CHST9: variants seen among roughly 807,000 people sequenced by gnomAD.
CHST9 encodes the protein GalNAc-4-sulfotransferase 2.
Under a neutral mutation model 44.4 loss-of-function variants are expected in CHST9, and 41 were observed. That is an observed-to-expected ratio of 0.92 (90% CI 0.72 to 1.20). The LOEUF (loss-of-function observed/expected upper bound fraction) is 1.20. Among genes scored for constraint, CHST9 ranks in the 50% most tolerant of loss-of-function variants. The probability of loss-of-function intolerance (pLI) is 0.00; values close to 1 mark genes in which losing one functional copy is unlikely to be tolerated. For synonymous variants in CHST9, 171 were observed against 178.4 expected (o/e 0.96, Z 0.33); for missense variants, 504 against 516.5 (o/e 0.98, Z 0.23).
intron 4 of CHST9, among the ~76,000 whole-genome samples, chr18:26,949,152 G>A (rs1232391196): frequency 6.6e-6 from 1 of 152,170 alleles, no homozygotes; most frequent in African/African-American, 2.4e-5. Flanking sequence ...ACAGCAATGA[G>A]CATGTGCTGT....
chr18:27,006,798 A>T (rs1456156652), intron 4 of CHST9, among the ~76,000 whole-genome samples: 2 of 152,218 alleles, frequency 1.3e-5, no homozygotes, highest in Non-Finnish European at 2.9e-5. Context: ...AGATAGATTG[A>T]GTCAAAGCCA....
intron 1 of CHST9, among the ~76,000 whole-genome samples, chr18:27,148,372 G>A (rs2058631711): frequency 6.6e-6 from 1 of 151,020 alleles, no homozygotes; most frequent in African/African-American, 2.4e-5. Flanking sequence ...TCGTCATTTA[G>A]CATTAGGTGT....
At position 26,954,299 on chromosome 18, in the gene CHST9, A is replaced by G. The variant is rs1274110042; in HGVS notation, c.203-9933T>C. On this transcript the variant is annotated intron_variant, in intron 4 of 5. Coordinates refer to ENST00000618847, the MANE Select transcript of CHST9 (RefSeq NM_031422.6). Reference sequence around the variant, plus strand: ...GGGGAACAGGGACTCAAAGAAGTCCATGGGTAGCAGGACAGTGTGTCAGTG... The same window carrying G: ...GGGGAACAGGGACTCAAAGAAGTCCGTGGGTAGCAGGACAGTGTGTCAGTG... 1.3e-5 allele frequency among the ~76,000 whole-genome samples: 2 copies of G among 152,216 alleles called. 1 individual carries two copies. Among genetic ancestry groups the G allele is most frequent in the Non-Finnish European group, 2.9e-5 (2 of 68,038 alleles).
chr18:27,167,668 T>C (rs976040564), intron 1 of CHST9, among the ~76,000 whole-genome samples: 2 of 152,196 alleles, frequency 1.3e-5, no homozygotes, highest in African/African-American at 4.8e-5. Flanking sequence ...CATATGATTA[T>C]AAAGTGTGAC....
intron 4 of CHST9, among the ~76,000 whole-genome samples, chr18:27,007,241 T>C (rs1483730496): frequency 1.3e-5 from 2 of 152,324 alleles, no homozygotes; most frequent in African/African-American, 4.8e-5. Flanking sequence ...CAGTGAGAGA[T>C]GGTGGCTGAG....
rs567470492 is a variant in CHST9, at chr18:27,097,132, T to A, written c.121+45557A>T. ...CAAGGTTGGTTCAATATACATCAAA[T>A]AAATGTGATTTACCACATAAACAGA... On this transcript the variant is annotated intron_variant, in intron 2 of 5. Coordinates refer to ENST00000618847, the MANE Select transcript of CHST9 (RefSeq NM_031422.6). Among the ~76,000 whole-genome samples, 222 of 152,150 alleles carry A rather than the reference T, an allele frequency of 1.5e-3. 2 individuals are homozygous for A. Among genetic ancestry groups the A allele is most frequent in the Non-Finnish European group, 2.5e-3 (173 of 67,924 alleles).
chr18:26,945,828 T>G (rs1018433104), intron 4 of CHST9, among the ~76,000 whole-genome samples: 1 of 152,302 alleles, frequency 6.6e-6, no homozygotes, highest in Admixed American at 6.5e-5. Context: ...GCTTAATTGT[T>G]TGAGAAACTG....
intron 3 of CHST9, among the ~76,000 whole-genome samples, chr18:27,046,411 G>T (rs2057500481): frequency 6.6e-6 from 1 of 151,904 alleles, no homozygotes; most frequent in Admixed American, 6.6e-5. Context: ...AATAGGATAG[G>T]GTAGATTGAA....
intron 2 of CHST9, among the ~76,000 whole-genome samples, chr18:27,078,973 G>A (rs1420420979): frequency 3.9e-5 from 6 of 152,100 alleles, no homozygotes; most frequent in Admixed American, 3.9e-4. Context: ...TTATGGTTAG[G>A]ACCAAATACT....
At chr18:27,164,045 GT>G (rs1017674193) in intron 1 of CHST9, among the ~76,000 whole-genome samples, 1 of 152,132 alleles carries the variant, frequency 6.6e-6, no homozygotes, top group African/African-American at 2.4e-5. Flanking sequence ...TGAAATGAAA[GT>G]TTTTTCATAG....
At chr18:27,084,214 T>A (rs1468839330) in intron 2 of CHST9, among the ~76,000 whole-genome samples, 1 of 151,888 alleles carries the variant, frequency 6.6e-6, no homozygotes, top group African/African-American at 2.4e-5. Flanking sequence ...AATTTCAGTA[T>A]GGTTGGTACC....
chr18:27,173,586 T>C (rs1347632590), intron 1 of CHST9, among the ~76,000 whole-genome samples: 1 of 152,102 alleles, frequency 6.6e-6, no homozygotes, highest in African/African-American at 2.4e-5. Context: ...TATCATATTA[T>C]GTATTGTCTC....
chr18:26,974,979 C>T (rs568992126), intron 4 of CHST9, among the ~76,000 whole-genome samples: 18 of 152,134 alleles, frequency 1.2e-4, no homozygotes, highest in African/African-American at 3.9e-4. Context: ...CCAGCCCAGG[C>T]GTACTTATTT....
chr18:27,089,253 A>G (rs59503295), intron 2 of CHST9, among the ~76,000 whole-genome samples: 10,267 of 151,768 alleles, frequency 0.068, 445 homozygotes, highest in East Asian at 0.14. Context: ...CATCATTTAC[A>G]TTAGGTATTT....
At chr18:27,038,918 C>T (rs1283773964) in intron 3 of CHST9, among the ~76,000 whole-genome samples, 1 of 151,910 alleles carries the variant, frequency 6.6e-6, no homozygotes, top group East Asian at 1.9e-4. Context: ...AATTAATTTC[C>T]CCTATTGCAT....
intron 4 of CHST9, among the ~76,000 whole-genome samples, chr18:27,006,427 C>T (rs1016043427): frequency 2.0e-5 from 3 of 152,130 alleles, no homozygotes; most frequent in Non-Finnish European, 4.4e-5. Flanking sequence ...ATGTGTGGGT[C>T]ATGAACTGAA....
At chr18:26,960,791 T>C (rs553068576) in intron 4 of CHST9, among the ~76,000 whole-genome samples, 1 of 152,270 alleles carries the variant, frequency 6.6e-6, no homozygotes, top group South Asian at 2.1e-4. Context: ...CCATATCCTT[T>C]CGAGTAGCTG....
intron 2 of CHST9, among the ~76,000 whole-genome samples, chr18:27,075,184 T>G (rs901764642): frequency 4.6e-5 from 7 of 151,096 alleles, no homozygotes; most frequent in Non-Finnish European, 1.0e-4. Context: ...TTTTTGTTTT[T>G]TTTTTGGCTG....
intron 1 of CHST9, among the ~76,000 whole-genome samples, chr18:27,158,518 G>T (rs181953150): frequency 6.6e-6 from 1 of 150,592 alleles, no homozygotes; most frequent in Non-Finnish European, 1.5e-5. Flanking sequence ...TGGACATTTG[G>T]GTTGGTTCCA....
Sources: allele counts gnomAD v4.1 joint callset (sites outside exome capture counted in the v4.1 genomes callset), GRCh38; gene constraint gnomAD v4.1.1; transcripts MANE v1.5; gene names NCBI Gene and HGNC (gene_info 2026-07-23, HGNC 2026-07-21).